The following SMARCC1 variants were observed in gnomAD, a reference collection of about 807,000 sequenced individuals.
SMARCC1 encodes SWI/SNF related BAF chromatin remodeling complex subunit C1.
SMARCC1 carries 43 observed loss-of-function variants against 147.4 expected under a neutral mutation model. The observed-to-expected ratio is 0.29, with a 90% CI of 0.23 to 0.38. The LOEUF (loss-of-function observed/expected upper bound fraction) is 0.38. SMARCC1 is among the 10% of genes least tolerant of loss of function. The pLI, the probability that SMARCC1 is intolerant of heterozygous loss-of-function variation, is 1.00. For synonymous variants in SMARCC1, 495 were observed against 484.4 expected (o/e 1.02, Z -0.29); for missense variants, 1,119 against 1,381.1 (o/e 0.81, Z 3.01).
chr3:47,748,795 C>T (rs991801221), intron 2 of SMARCC1, among the ~76,000 whole-genome samples: 2 of 152,112 alleles, frequency 1.3e-5, no homozygotes, highest in Non-Finnish European at 2.9e-5. Context: ...GAAAGAACCA[C>T]ATAGGTGGCA....
chr3:47,602,093 C>T (rs1475499900), intron 26 of SMARCC1, among the ~76,000 whole-genome samples: 3 of 152,052 alleles, frequency 2.0e-5, no homozygotes, highest in African/African-American at 7.2e-5. Flanking sequence ...CTTTATTTCT[C>T]ATGAGGTAGG....
chr3:47,596,465 G>C (rs1007825110), intron 26 of SMARCC1, among the ~76,000 whole-genome samples: 1 of 151,984 alleles, frequency 6.6e-6, no homozygotes, highest in East Asian at 1.9e-4. Flanking sequence ...CTACTCGGGA[G>C]GCTGAGGCAG....
At chr3:47,696,922 G>A (rs988915462) in intron 11 of SMARCC1, among the ~76,000 whole-genome samples, 6 of 152,156 alleles carry the variant, frequency 3.9e-5, no homozygotes, top group African/African-American at 1.4e-4. Flanking sequence ...GTGCAGTGAT[G>A]CAATCATGGC....
chr3:47,700,351 G>T (rs1225336724), intron 11 of SMARCC1, among the ~76,000 whole-genome samples: 1 of 152,012 alleles, frequency 6.6e-6, no homozygotes, highest in Non-Finnish European at 1.5e-5. Flanking sequence ...CACAAAGATG[G>T]GTGAAGAAGG....
At chr3:47,709,023 A>C (rs563941806) in intron 9 of SMARCC1, among the ~76,000 whole-genome samples, 101 of 152,234 alleles carry the variant, frequency 6.6e-4, no homozygotes, top group African/African-American at 2.3e-3. Context: ...CATTTTGGGA[A>C]GCCAAGGCCG....
chr3:47,647,332 T>C (rs1046535799), intron 21 of SMARCC1, among the ~76,000 whole-genome samples: 1 of 152,210 alleles, frequency 6.6e-6, no homozygotes, highest in Admixed American at 6.5e-5. Flanking sequence ...CCATAAATTA[T>C]ATGAGATATT....
At chr3:47,726,414 C>T (rs563519298) in intron 6 of SMARCC1, among the ~76,000 whole-genome samples, 1 of 152,206 alleles carries the variant, frequency 6.6e-6, no homozygotes, top group East Asian at 1.9e-4. Context: ...ATTTGGATTG[C>T]TTCATCATTA....
chr3:47,685,924 T>G (rs1200690378), intron 14 of SMARCC1, 125 bp downstream of exon 14: 4 of 707,646 alleles, frequency 5.7e-6, no homozygotes, highest in Non-Finnish European at 9.5e-6. Context: ...TCACTCTCCA[T>G]CTCCCTTCAT....
chr3:47,706,325 G>A, intron 10 of SMARCC1, 84 bp downstream of exon 10: 1 of 1,306,292 alleles, frequency 7.7e-7, no homozygotes, highest in Admixed American at 3.3e-5. Context: ...GCCCACCTCA[G>A]CCTCCAAAAG....
chr3:47,639,946 A>G (rs1323259800), intron 21 of SMARCC1, among the ~76,000 whole-genome samples: 1 of 152,204 alleles, frequency 6.6e-6, no homozygotes, highest in African/African-American at 2.4e-5. Flanking sequence ...CTCACACAAC[A>G]TTTTAAAAAT....
chr3:47,615,225 C>T (rs1426871299), intron 25 of SMARCC1, among the ~76,000 whole-genome samples: 1 of 152,214 alleles, frequency 6.6e-6, no homozygotes, highest in Non-Finnish European at 1.5e-5. Context: ...TTAATTCACT[C>T]ATGGTTTCTA....
chr3:47,740,031 G>A (rs539506323), intron 3 of SMARCC1, among the ~76,000 whole-genome samples: 273 of 146,992 alleles, frequency 1.9e-3, no homozygotes, highest in Non-Finnish European at 3.3e-3. Flanking sequence ...TGTGCTCCAC[G>A]ACACCCAGGT....
chr3:47,740,225 T>C (rs1475328651), intron 3 of SMARCC1, among the ~76,000 whole-genome samples: 2 of 107,820 alleles, frequency 1.9e-5, no homozygotes, highest in African/African-American at 7.1e-5. Flanking sequence ...AGACAGACTC[T>C]CGCCCTGTCG....
At chr3:47,763,057 C>A (rs1277904647) in intron 2 of SMARCC1, among the ~76,000 whole-genome samples, 2 of 79,262 alleles carry the variant, frequency 2.5e-5, no homozygotes, top group African/African-American at 8.5e-5. Flanking sequence ...CAGAGCGAGA[C>A]TCCATCTCAA....
chr3:47,638,108 TGAG>T (rs1162107128), intron 22 of SMARCC1, among the ~76,000 whole-genome samples: 5 of 152,156 alleles, frequency 3.3e-5, no homozygotes, highest in African/African-American at 1.2e-4. Flanking sequence ...TTGTTGTTGT[TGAG>T]ACAGAGTCTC....
At chr3:47,722,952 G>A (rs1330212866) in intron 6 of SMARCC1, among the ~76,000 whole-genome samples, 1 of 152,218 alleles carries the variant, frequency 6.6e-6, no homozygotes, top group Non-Finnish European at 1.5e-5. Context: ...ACAGTTTAAG[G>A]TGGGGATGAC....
chr3:47,597,917 TTG>T (rs1169588425), intron 26 of SMARCC1, among the ~76,000 whole-genome samples: 1 of 152,116 alleles, frequency 6.6e-6, no homozygotes, highest in Non-Finnish European at 1.5e-5. Flanking sequence ...ACTTTTTGCT[TTG>T]GGAACAGATG....
chr3:47,729,216 A>AAGACTTGCTTCT, intron 5 of SMARCC1, 122 bp from the exon 6 acceptor site: 3 of 620,982 alleles, frequency 4.8e-6, no homozygotes, highest in Non-Finnish European at 8.2e-6. Context: ...TTATATAAAA[A>AAGACTTGCTTCT]AGACTTGCTT....
intron 11 of SMARCC1, among the ~76,000 whole-genome samples, chr3:47,695,935 TGC>T (rs1208170421): frequency 2.4e-5 from 3 of 123,370 alleles, no homozygotes; most frequent in African/African-American, 6.4e-5. Flanking sequence ...GGCGTGGTGG[TGC>T]ATGCCTGTAA....
Sources: allele counts gnomAD v4.1 joint callset (sites outside exome capture counted in the v4.1 genomes callset), GRCh38; gene constraint gnomAD v4.1.1; transcripts MANE v1.5; gene names NCBI Gene and HGNC (gene_info 2026-07-23, HGNC 2026-07-21).